GPR19: variants seen among roughly 807,000 people sequenced by gnomAD.
GPR19 encodes the protein G protein-coupled receptor 19, also known as probable G protein-coupled receptor 19.
Under a neutral mutation model 28.5 loss-of-function variants are expected in GPR19, and 14 were observed. That is an observed-to-expected ratio of 0.49 (90% CI 0.32 to 0.77). The LOEUF (loss-of-function observed/expected upper bound fraction) is 0.77. Ranked by LOEUF, GPR19 falls within the 30% of genes least tolerant of loss-of-function variation. The pLI is 0.03. For missense variants in GPR19, 409 were observed against 504.1 expected (o/e 0.81, Z 1.81); for synonymous variants, 173 against 184.1 (o/e 0.94, Z 0.49).
At chr12:12,666,756 A>G (rs1945786145) in intron 3 of GPR19, among the ~76,000 whole-genome samples, 1 of 152,166 alleles carries the variant, frequency 6.6e-6, no homozygotes, top group Non-Finnish European at 1.5e-5. Context: ...AATGACTCTT[A>G]CTCTATGTGC....
At chr12:12,662,840 T>C (rs1945700545) in intron 3 of GPR19, among the ~76,000 whole-genome samples, 1 of 152,254 alleles carries the variant, frequency 6.6e-6, no homozygotes, top group African/African-American at 2.4e-5. Flanking sequence ...CAACTGAAGA[T>C]CTGCTGGAAT....
chr12:12,705,408 C>G, the GPR19 span, among the ~76,000 whole-genome samples: 1 of 152,304 alleles, frequency 6.6e-6, no homozygotes, highest in South Asian at 2.1e-4. Flanking sequence ...ACAGAAGATG[C>G]TGTTCTACAG....
intron 2 of GPR19, among the ~76,000 whole-genome samples, chr12:12,694,163 T>C (rs1348280099): frequency 4.0e-5 from 6 of 149,980 alleles, no homozygotes; most frequent in Non-Finnish European, 7.4e-5. Context: ...GTGATTCTAA[T>C]GTGTGGGCAT....
At chr12:12,687,116 A>T (rs1252166678) in intron 2 of GPR19, among the ~76,000 whole-genome samples, 2 of 152,248 alleles carry the variant, frequency 1.3e-5, no homozygotes, top group African/African-American at 4.8e-5. Flanking sequence ...TATTTTGAAC[A>T]TGAGTAATGT....
chr12:12,711,254 A>G, the GPR19 span, among the ~76,000 whole-genome samples: 4 of 146,250 alleles, frequency 2.7e-5, no homozygotes, highest in South Asian at 2.4e-4. Context: ...AGATCACGCC[A>G]TTGCACTCCA....
intron 3 of GPR19, among the ~76,000 whole-genome samples, chr12:12,664,553 G>T (rs1168544050): frequency 3.9e-5 from 6 of 151,902 alleles, no homozygotes; most frequent in Non-Finnish European, 8.8e-5. Context: ...TAAACATTTT[G>T]ACTACTAAAA....
chr12:12,675,678 G>C (rs898405911), intron 3 of GPR19, among the ~76,000 whole-genome samples: 12 of 152,088 alleles, frequency 7.9e-5, no homozygotes, highest in Admixed American at 7.9e-4. Context: ...TGAGATGCAG[G>C]GGCCCACATA....
chr12:12,709,139 G>T, the GPR19 span, among the ~76,000 whole-genome samples: 3 of 152,232 alleles, frequency 2.0e-5, no homozygotes, highest in African/African-American at 4.8e-5. Flanking sequence ...TGGAGCAAAG[G>T]GGGGGAAATT....
upstream of GPR19, among the ~76,000 whole-genome samples, chr12:12,698,480 C>T (rs961422177): frequency 4.6e-5 from 7 of 152,082 alleles, no homozygotes; most frequent in African/African-American, 1.4e-4. Context: ...TTATTGTGAC[C>T]CCAGGACAAA....
At chr12:12,693,759 G>T (rs961158796) in intron 2 of GPR19, among the ~76,000 whole-genome samples, 1 of 152,232 alleles carries the variant, frequency 6.6e-6, no homozygotes, top group East Asian at 1.9e-4. Context: ...CTGGAGTGCA[G>T]TGGCACGATC....
Position 12,661,692 on chromosome 12 carries a change from T to C in GPR19, c.757A>G (p.Ile253Val). 1.9e-6 allele frequency: 3 copies of C among 1,614,172 alleles called. No individual in the cohort carries two copies. The highest frequency in any genetic ancestry group is 2.5e-6 in the Non-Finnish European group (3 of 1,180,000). Residue 253 changes from isoleucine to valine, a missense_variant, in exon 4 of 4, where the codon ATA becomes GTA. Physicochemically the swap from Ile to Val is conservative, Grantham distance 29. Transcript: ENST00000651487. This position sits in a 1 kb window ranked among gnomAD's most constrained non-coding sequence, Gnocchi z 4.2. The stretch of plus-strand genomic sequence containing the variant: ...CTCACCGTTCGGCCATCTGTGCCTA[T>C]TCTCCAAATATATTTTATGACCTTT... ...YQKVIKYIWR[I>V]GTDGRTVRRT...
chr12:12,713,057 C>CTTTTTTTT, the GPR19 span, among the ~76,000 whole-genome samples: 1 of 108,088 alleles, frequency 9.3e-6, no homozygotes, highest in African/African-American at 3.5e-5. Flanking sequence ...ATCTGATGCG[C>CTTTTTTTT]TTTTTTTTTT....
rs760461864 is a variant in GPR19, at chr12:12,662,454, C to CT, written c.-7dup. 1.9e-6 allele frequency: 3 copies of CT among 1,611,128 alleles called. No homozygotes were observed. The South Asian group carries it at 3.3e-5, about 18-fold the overall frequency. ...ATTCTGTGAGCAAAAACCATATTCA[C>CT]TTTTTTTCTCTTAATTCTGGTTGGG... On this transcript the variant is annotated 5_prime_UTR_variant, in exon 4 of 4. An upstream open reading frame in the 5' UTR loses its in-frame stop. Transcript: ENST00000651487.
chr12:12,665,819 C>CA lies in GPR19; in HGVS notation c.-22-3350dup, dbSNP rs528302150. The stretch of plus-strand genomic sequence containing the variant: ...TGGGGCACAAAGCCAGACTCCGTCT[C>CA]AAAAAAAAAAAAAAAAAAAAAAAAA... On this transcript the variant is annotated intron_variant, in intron 3 of 3. Coordinates refer to ENST00000651487, the MANE Select transcript of GPR19 (RefSeq NM_006143.3). Among the ~76,000 whole-genome samples, 304 of 75,726 alleles carry CA rather than the reference C, an allele frequency of 4.0e-3. 38 individuals are homozygous for CA. The highest frequency in any genetic ancestry group is 0.016 in the African/African-American group (270 of 16,684). 49.7% of individuals were successfully genotyped at this position (75,726 alleles called of 152,430 possible).
chr12:12,676,601 C>T (rs1001132978), intron 3 of GPR19, among the ~76,000 whole-genome samples: 2 of 152,244 alleles, frequency 1.3e-5, no homozygotes, highest in African/African-American at 4.8e-5. Context: ...GTGTCAACAA[C>T]TTCTTACTGA....
At chr12:12,691,403 C>T (rs1174297572) in intron 2 of GPR19, among the ~76,000 whole-genome samples, 2 of 152,122 alleles carry the variant, frequency 1.3e-5, no homozygotes, top group African/African-American at 4.8e-5. Flanking sequence ...GCATGCCCTT[C>T]ACACTGCTTG....
intron 3 of GPR19, among the ~76,000 whole-genome samples, chr12:12,679,197 G>C (rs1945983237): frequency 6.6e-6 from 1 of 152,104 alleles, no homozygotes; most frequent in African/African-American, 2.4e-5. Context: ...CTGCCTCACA[G>C]TGAACATTTG....
chr12:12,672,872 G>A (rs925398818), intron 3 of GPR19, among the ~76,000 whole-genome samples: 4 of 152,182 alleles, frequency 2.6e-5, no homozygotes, highest in Non-Finnish European at 5.9e-5. Flanking sequence ...CCAGAGTTGT[G>A]TTCATTGCTG....
At chr12:12,674,650 T>C (rs376879936) in intron 3 of GPR19, among the ~76,000 whole-genome samples, 1 of 152,298 alleles carries the variant, frequency 6.6e-6, no homozygotes, top group East Asian at 1.9e-4. Flanking sequence ...CGTAGAGATA[T>C]CAGTTGGCTA....
Sources: gnomAD v4.1 joint callset for allele counts (sites outside exome capture counted in the v4.1 genomes callset) on GRCh38, gnomAD v4.1.1 for gene constraint, Gnocchi (gnomAD v3.1) non-coding constraint, MANE v1.5 for transcripts, NCBI Gene and HGNC (gene_info 2026-07-23, HGNC 2026-07-21) for gene names.